ASPSCR1: variants seen among roughly 807,000 people sequenced by gnomAD.
The protein encoded by ASPSCR1 is tether containing UBX domain for GLUT4.
Under a neutral mutation model 68.9 loss-of-function variants are expected in ASPSCR1, and 55 were observed. The ratio of observed to expected loss-of-function variants is 0.80; its 90% confidence interval spans 0.64 to 1.00. The LOEUF is 1.00. ASPSCR1 is among the 50% of genes least tolerant of loss of function. ASPSCR1 has a pLI of 0.00. For missense variants in ASPSCR1, 765 were observed against 762.2 expected (o/e 1.00, Z -0.04); for synonymous variants, 352 against 332.6 (o/e 1.06, Z -0.63).
chr17:81,997,771 G>C (rs1472082095), intron 7 of ASPSCR1, among the ~76,000 whole-genome samples: 2 of 151,574 alleles, frequency 1.3e-5, no homozygotes, highest in African/African-American at 4.8e-5. Context: ...TTACAGGCGT[G>C]AGCCACCGCG....
intron 1 of ASPSCR1, chr17:81,978,009 C>G (rs1056674459): frequency 7.8e-6 from 2 of 256,716 alleles, no homozygotes; most frequent in Non-Finnish European, 7.3e-6. Context: ...GTGTCACCCG[C>G]ATCGAGTACT....
intron 4 of ASPSCR1, among the ~76,000 whole-genome samples, chr17:81,994,305 G>GA (rs2042265370): frequency 6.6e-6 from 1 of 152,252 alleles, no homozygotes; most frequent in Non-Finnish European, 1.5e-5. Flanking sequence ...TGAGCGGAGT[G>GA]CAGCGCCCCT....
intron 7 of ASPSCR1, among the ~76,000 whole-genome samples, chr17:81,998,549 T>A (rs891913437): frequency 1.3e-5 from 2 of 152,228 alleles, no homozygotes; most frequent in Admixed American, 6.5e-5. Context: ...ATAAAAAGCC[T>A]TTATCAAGCA....
intron 2 of ASPSCR1, among the ~76,000 whole-genome samples, chr17:81,981,857 G>T (rs1315299014): frequency 1.3e-5 from 2 of 152,032 alleles, no homozygotes; most frequent in Admixed American, 1.3e-4. Context: ...GTAGTGACGG[G>T]GTTTCACCAT....
intron 7 of ASPSCR1, chr17:82,007,422 C>T (rs1434118061): frequency 6.6e-6 from 1 of 152,294 alleles, no homozygotes; most frequent in Admixed American, 6.5e-5. Context: ...GTCCTGTCCC[C>T]TATGGCCCCC....
rs750999958 is a variant in ASPSCR1, at chr17:82,012,138, C to G, written c.1301-93C>G. ...AGGGGCTCTTCTGCCCCACTTGAGG[C>G]GTCACCCCCATCTGCAGGCCTGTCT... On this transcript the variant is annotated intron_variant, in intron 11 of 15. Transcript: ENST00000306739. 9 of 1,406,636 alleles carry G rather than the reference C, an allele frequency of 6.4e-6. No individual in the cohort carries two copies. The East Asian group carries it at 2.1e-4, about 32-fold the overall frequency. The allele number at this position is 1,406,636 out of a possible 1,614,324, so 87.1% of individuals were successfully genotyped here.
At chr17:82,010,944 C>A in intron 10 of ASPSCR1, 76 bp downstream of exon 10, 1 of 1,540,192 alleles carries the variant, frequency 6.5e-7, no homozygotes, top group South Asian at 1.1e-5. Context: ...TCCTTCCAGG[C>A]CACAGGACTG....
intron 7 of ASPSCR1, 72 bp from the exon 8 acceptor site, chr17:82,008,965 G>A (rs993132631): frequency 2.8e-6 from 4 of 1,425,184 alleles, no homozygotes; most frequent in African/African-American, 2.9e-5. Context: ...ACCTCGGCTG[G>A]GGCACTGACA....
At chr17:81,979,163 A>T (rs778443636) in intron 1 of ASPSCR1, 21 bp from the exon 2 acceptor site, 1 of 1,613,702 alleles carries the variant, frequency 6.2e-7, no homozygotes, top group Non-Finnish European at 8.5e-7. Flanking sequence ...GCAGTTCACC[A>T]TCCTTTCATC....
rs1486347345 is a variant in ASPSCR1, at chr17:82,010,680, G to A, written c.1171-122G>A. On this transcript the variant is annotated intron_variant, in intron 9 of 15. Coordinates refer to ENST00000306739, the MANE Select transcript of ASPSCR1 (RefSeq NM_024083.4). ...AAAGCCCAGGCCCTGATTGGGGGTGGCTGCTTCTGCCTGCCTCAGCCCTGG... is the reference window on the plus strand; with the variant it reads ...AAAGCCCAGGCCCTGATTGGGGGTGACTGCTTCTGCCTGCCTCAGCCCTGG... The A allele has an allele frequency of 4.9e-6, 5 of 1,026,654 alleles. No individual in the cohort carries two copies. In the East Asian group the frequency reaches 9.6e-5, roughly 20 times the overall value. 63.6% of individuals were successfully genotyped at this position (1,026,654 alleles called of 1,614,324 possible).
chr17:81,987,405 C>G lies in ASPSCR1; in HGVS notation c.374+1798C>G, dbSNP rs2042030700. On this transcript the variant is annotated intron_variant, in intron 4 of 15. Transcript: ENST00000306739. The surrounding 1 kb of genome is among the most constrained non-coding windows in gnomAD (Gnocchi z 5.6). The stretch of plus-strand genomic sequence containing the variant: ...ACCAAACAGCGCGGGGAACAGAAGT[C>G]AGGAAAGATGAACGTCTGGAAGGAA... 6.6e-6 allele frequency among the ~76,000 whole-genome samples: 1 copy of G among 152,192 alleles called. No homozygotes were observed. The highest frequency in any genetic ancestry group is 1.5e-5 in the Non-Finnish European group (1 of 68,032).
Position 82,012,234 on chromosome 17 carries a change from T to A in ASPSCR1, c.1304T>A (p.Ile435Asn). ...CGTAGGTGCCTTCTCTCCTCAGTCATCACCCCTCCAAAAACAGTCCTGGAC... is the reference window on the plus strand; with the variant it reads ...CGTAGGTGCCTTCTCTCCTCAGTCAACACCCCTCCAAAAACAGTCCTGGAC... Reference protein sequence around the residue: ...GNPELSFYLFITPPKTVLDDH... With the variant: ...GNPELSFYLFNTPPKTVLDDH... Residue 435 changes from isoleucine (I) to asparagine (N), a missense_variant, in exon 12 of 16, where the codon ATC (isoleucine) becomes AAC (asparagine). Ile to Asn is a moderately radical substitution (Grantham distance 149). Transcript: ENST00000306739. 1 of 1,613,548 alleles carries A rather than the reference T, an allele frequency of 6.2e-7. No individual in the cohort carries two copies. The highest frequency in any genetic ancestry group is 8.5e-7 in the Non-Finnish European group (1 of 1,179,866).
chr17:82,014,608 C>T (rs572544592), intron 12 of ASPSCR1: 13 of 172,748 alleles, frequency 7.5e-5, no homozygotes, highest in African/African-American at 1.2e-4. Flanking sequence ...GCTGTGGTGC[C>T]GCCTCCCTCC....
intron 2 of ASPSCR1, among the ~76,000 whole-genome samples, chr17:81,981,016 A>G (rs2041777774): frequency 6.6e-6 from 1 of 152,224 alleles, no homozygotes; most frequent in South Asian, 2.1e-4. Context: ...AAAGTAAATA[A>G]GTAAATAAAT....
At chr17:81,991,426 T>C (rs1054900819) in intron 4 of ASPSCR1, among the ~76,000 whole-genome samples, 1 of 152,168 alleles carries the variant, frequency 6.6e-6, no homozygotes, top group African/African-American at 2.4e-5. Flanking sequence ...CTGGGTGTGC[T>C]GGGGTGTAGG....
Position 82,016,500 on chromosome 17 carries a change from GTGCACTTGGGA to G in ASPSCR1, c.1379_1389del (p.Val460GlyfsTer45). The G allele has an allele frequency of 6.5e-7, 1 of 1,549,032 alleles. No homozygotes were observed. Among genetic ancestry groups the G allele is most frequent in the East Asian group, 2.4e-5 (1 of 40,956 alleles). ...GGCGAACCTCTTCCCGGCCGCTCTGGTGCACTTGGGAGCCGAGGAGCCGGCAGGTGAGTGTC... is the reference window on the plus strand; with the variant it reads ...GGCGAACCTCTTCCCGGCCGCTCTGGGCCGAGGAGCCGGCAGGTGAGTGTC... On this transcript the variant is annotated frameshift_variant, in exon 13 of 16. Transcript: ENST00000306739. LOFTEE classifies it high-confidence loss of function.
At chr17:82,002,891 T>G (rs1598418015) in intron 7 of ASPSCR1, among the ~76,000 whole-genome samples, 1 of 150,222 alleles carries the variant, frequency 6.7e-6, no homozygotes, top group East Asian at 2.0e-4. Flanking sequence ...TTTTTTTTTT[T>G]CGAGACAGGG....
chr17:82,012,976 C>T (rs774388888), intron 12 of ASPSCR1: 1 of 152,302 alleles, frequency 6.6e-6, no homozygotes, highest in Non-Finnish European at 1.5e-5. Context: ...AAAGCCTCTT[C>T]AGATATTTTA....
chr17:81,985,000 C>CA (rs1361424097), intron 3 of ASPSCR1, among the ~76,000 whole-genome samples: 4 of 122,254 alleles, frequency 3.3e-5, no homozygotes, highest in Non-Finnish European at 7.0e-5. Flanking sequence ...GCACACCCCC[C>CA]CACACACCTG....
Sources: allele counts gnomAD v4.1 joint callset (sites outside exome capture counted in the v4.1 genomes callset), GRCh38; gene constraint gnomAD v4.1.1; non-coding constraint Gnocchi (gnomAD v3.1); transcripts MANE v1.5; gene names NCBI Gene and HGNC (gene_info 2026-07-23, HGNC 2026-07-21).